Variants in CCDC13 observed in about 807,000 individuals in gnomAD.
CCDC13 encodes the protein coiled-coil domain containing 13.
CCDC13 carries 70 observed loss-of-function variants against 87.3 expected under a neutral mutation model. That is an observed-to-expected ratio of 0.80 (90% CI 0.66 to 0.98). The LOEUF is 0.98. CCDC13 is among the 50% of genes least tolerant of loss of function. The probability of loss-of-function intolerance (pLI) is 0.00; values close to 1 mark genes in which losing one functional copy is unlikely to be tolerated. For missense variants in CCDC13, 842 were observed against 892.0 expected (o/e 0.94, Z 0.71); for synonymous variants, 317 against 360.3 (o/e 0.88, Z 1.36).
At position 42,748,730 on chromosome 3, in the gene CCDC13, T is replaced by C. The variant is rs1699488922; in HGVS notation, c.604-1357A>G. ...TGGAATGAGTATACAAATACTTTCC[T>C]GCTCCGCTTCCTCAGAGCACCACCA... On this transcript the variant is annotated intron_variant, in intron 5 of 15. Transcript: ENST00000310232. Among the ~76,000 whole-genome samples the C allele has an allele frequency of 2.0e-5, 3 of 152,206 alleles. No homozygotes were observed. In the South Asian group the frequency reaches 6.2e-4, roughly 31 times the overall value.
chr3:42,770,010 AG>A (rs1700028084), intron 1 of CCDC13, among the ~76,000 whole-genome samples: 1 of 152,224 alleles, frequency 6.6e-6, no homozygotes, highest in African/African-American at 2.4e-5. Flanking sequence ...CCTGCTCCGC[AG>A]CACCTGGTCC....
chr3:42,724,339 T>A (rs559476908), intron 13 of CCDC13, among the ~76,000 whole-genome samples: 1 of 152,332 alleles, frequency 6.6e-6, no homozygotes, highest in Middle Eastern at 3.4e-3. Context: ...TTCTTCCTCA[T>A]CTTCAGCTTC....
Position 42,758,368 on chromosome 3 carries a change from A to C in CCDC13, c.-6-17T>G. On this transcript the variant is annotated splice_polypyrimidine_tract_variant and intron_variant, in intron 1 of 15. Coordinates refer to ENST00000310232, the MANE Select transcript of CCDC13 (RefSeq NM_144719.4). ...CATCCTGCCCTAGGCATCAGAAATG[A>C]AGCCTCAGCTGAAGCAAACTCCACA... The C allele has an allele frequency of 1.9e-6, 3 of 1,608,980 alleles. No individual in the cohort carries two copies. The highest frequency in any genetic ancestry group is 2.5e-6 in the Non-Finnish European group (3 of 1,179,144).
chr3:42,743,600 T>TATATATATATATACATAC lies in CCDC13; in HGVS notation c.826-544_826-543insGTATGTATATATATATAT. On this transcript the variant is annotated intron_variant, in intron 7 of 15. Coordinates refer to ENST00000310232, the MANE Select transcript of CCDC13 (RefSeq NM_144719.4). ...GCCTGGATAATTTTATATATATATA[T>TATATATATATATACATAC]ACACACACACATATATATATACACA... 1.8e-4 allele frequency among the ~76,000 whole-genome samples: 23 copies of TATATATATATATACATAC among 125,796 alleles called. No homozygotes were observed. In the East Asian group the frequency reaches 4.3e-3, roughly 24 times the overall value. The allele number at this position is 125,796 out of a possible 152,430, so 82.5% of individuals were successfully genotyped here. A position where few individuals can be genotyped will look rare whatever the true frequency, so the allele number is the denominator to read the frequency against.
Position 42,732,887 on chromosome 3 carries a change from C to T in CCDC13, c.1595G>A (p.Arg532Lys), listed in dbSNP as rs1054411157. 1 of 1,552,270 alleles carries T rather than the reference C, an allele frequency of 6.4e-7. No homozygotes were observed. Among genetic ancestry groups the T allele is most frequent in the South Asian group, 1.2e-5 (1 of 84,084 alleles). The part of the protein sequence containing the change: ...SLPSPHRTSP[R>K]FSDSPEQKGW... ...GAGTCCGGGGGTCGGGGGTCCATAC[C>T]TAGGTGAGGTCCTGTGGGGACTGGG... The change falls in exon 12 of 16, where the codon AGG becomes AAG. Residue 532 changes from arginine to lysine, a missense_variant and splice_region_variant. Transcript: ENST00000310232.
At chr3:42,770,821 C>G (rs567932729) in intron 1 of CCDC13, 2 of 153,118 alleles carry the variant, frequency 1.3e-5, no homozygotes, top group East Asian at 3.8e-4. Flanking sequence ...TAACACTCAC[C>G]GCGAAGGTCT....
intron 9 of CCDC13, among the ~76,000 whole-genome samples, chr3:42,737,544 T>A (rs1486844145): frequency 6.6e-6 from 1 of 152,220 alleles, no homozygotes; most frequent in Non-Finnish European, 1.5e-5. Context: ...TGTAAAAGCA[T>A]TCCTATTTCT....
At chr3:42,730,617 A>G (rs370101560) in intron 12 of CCDC13, 28 bp from the exon 13 acceptor site, 8 of 1,610,368 alleles carry the variant, frequency 5.0e-6, no homozygotes, top group Middle Eastern at 1.6e-4. Flanking sequence ...GGCAGAGGGC[A>G]GAGGTCATCC....
intron 1 of CCDC13, among the ~76,000 whole-genome samples, chr3:42,768,335 C>CA (rs879747306): frequency 6.6e-6 from 1 of 151,736 alleles, no homozygotes; most frequent in Non-Finnish European, 1.5e-5. Flanking sequence ...ATACATGAAA[C>CA]AAAAAAAATT....
intron 3 of CCDC13, among the ~76,000 whole-genome samples, chr3:42,754,919 G>A (rs989329406): frequency 2.6e-4 from 39 of 152,160 alleles, no homozygotes; most frequent in African/African-American, 9.2e-4. Flanking sequence ...GGGCGGCAGT[G>A]GATGGGCAAA....
intron 10 of CCDC13, among the ~76,000 whole-genome samples, chr3:42,735,151 G>T (rs1438342533): frequency 1.3e-5 from 2 of 152,248 alleles, no homozygotes; most frequent in Non-Finnish European, 2.9e-5. Context: ...AGACCTAAAG[G>T]CTGAGGGGCA....
chr3:42,718,831 A>G (rs982850116), intron 13 of CCDC13, among the ~76,000 whole-genome samples: 7 of 152,170 alleles, frequency 4.6e-5, no homozygotes, highest in Non-Finnish European at 8.8e-5. Flanking sequence ...AATAGACTTC[A>G]GCACTGATTG....
chr3:42,721,210 T>C lies in CCDC13; in HGVS notation c.1719-7894A>G, dbSNP rs985415317. On this transcript the variant is annotated intron_variant, in intron 13 of 15. Transcript: ENST00000310232. ...TTGTGTGCCACAGAGGCAACCAAAA[T>C]TTCCTAGTCAATTGTGGATTTAATA... is the stretch of plus-strand genomic sequence containing the variant. 2.6e-5 allele frequency among the ~76,000 whole-genome samples: 4 copies of C among 152,240 alleles called. No individual in the cohort carries two copies. The East Asian group carries it at 7.7e-4, about 29-fold the overall frequency.
In CCDC13 at chr3:42,747,155, T is replaced by TG. The variant is rs1253024603; in HGVS notation, c.720+101dup. 3.5e-6 allele frequency: 3 copies of TG among 867,356 alleles called. No individual in the cohort carries two copies. The South Asian group carries it at 3.9e-5, about 11-fold the overall frequency. 53.7% of individuals were successfully genotyped at this position (867,356 alleles called of 1,614,324 possible). A position where few individuals can be genotyped will look rare whatever the true frequency, so the allele number is the denominator to read the frequency against. ...AGAGCAAGCAGTGTGCTCAAGGGAC[T>TG]GAGCACTCATGGCTCCAGAAAGGAA... On this transcript the variant is annotated intron_variant, in intron 6 of 15. Transcript: ENST00000310232.
chr3:42,743,170 T>C (rs1699276107), intron 7 of CCDC13, 113 bp from the exon 8 acceptor site: 1 of 1,216,856 alleles, frequency 8.2e-7, no homozygotes, highest in African/African-American at 1.5e-5. Context: ...TCTAGATGGC[T>C]GTGGTAGCCC....
Position 42,733,511 on chromosome 3 carries a change from C to T in CCDC13, c.1470G>A (p.Pro490=), listed in dbSNP as rs766602289. 77 of 1,614,018 alleles carry T rather than the reference C, an allele frequency of 4.8e-5. 1 individual carries two copies. The South Asian group carries it at 5.5e-4, about 12-fold the overall frequency. Residue 490 remains proline, a synonymous_variant, in exon 11 of 16, where the codon CCG becomes CCA. Transcript: ENST00000310232. ...TGCCAACATGATCGCCTGCTGAGGCCGGGGACTTGGTCAGGCCTGGGTCCT... is the reference window on the plus strand; with the variant it reads ...TGCCAACATGATCGCCTGCTGAGGCTGGGGACTTGGTCAGGCCTGGGTCCT... ...FLEDPGLTKS[P]ASAGDHVGRL...
intron 13 of CCDC13, among the ~76,000 whole-genome samples, chr3:42,717,478 C>T (rs927580656): frequency 6.7e-6 from 1 of 149,588 alleles, no homozygotes. Context: ...TAGTGGGTGG[C>T]GTATGAGGAG....
chr3:42,735,057 T>C lies in CCDC13; in HGVS notation c.1371+650A>G, dbSNP rs566460652. Among the ~76,000 whole-genome samples, 11 of 152,180 alleles carry C rather than the reference T, an allele frequency of 7.2e-5. No individual in the cohort carries two copies. The East Asian group carries it at 1.7e-3, about 24-fold the overall frequency. ...GAGAGAAGTTTGGTTTGGGGATGCA[T>C]AGGGAGTTAGGAGAGTGCCTAGGAG... On this transcript the variant is annotated intron_variant, in intron 10 of 15. Coordinates refer to ENST00000310232, the MANE Select transcript of CCDC13 (RefSeq NM_144719.4).
chr3:42,770,803 A>C (rs1398291151), intron 1 of CCDC13: 5 of 153,304 alleles, frequency 3.3e-5, no homozygotes, highest in African/African-American at 1.2e-4. Flanking sequence ...GCACCACCCT[A>C]AGAGCTGTAA....
Sources: gnomAD v4.1 joint callset for allele counts (sites outside exome capture counted in the v4.1 genomes callset) on GRCh38, gnomAD v4.1.1 for gene constraint, MANE v1.5 for transcripts, NCBI Gene and HGNC (gene_info 2026-07-23, HGNC 2026-07-21) for gene names.